The following LRRIQ3 variants were observed in gnomAD, a reference collection of about 807,000 sequenced individuals.
LRRIQ3 encodes leucine-rich repeat and IQ domain-containing protein 3.
A neutral mutation model predicts 59.3 loss-of-function variants in LRRIQ3; 75 were observed. The ratio of observed to expected loss-of-function variants is 1.26; its 90% CI spans 1.05 to 1.53. The LOEUF (loss-of-function observed/expected upper bound fraction) is 1.53. Ranked by LOEUF, LRRIQ3 falls within the 40% of genes most tolerant of loss-of-function variation. The probability of loss-of-function intolerance (pLI) is 0.00; values close to 1 mark genes in which losing one functional copy is unlikely to be tolerated. For synonymous variants in LRRIQ3, 250 were observed against 231.3 expected (o/e 1.08, Z -0.73); for missense variants, 831 against 710.0 (o/e 1.17, Z -1.94).
chr1:74,120,869 T>C (rs1646845163), intron 4 of LRRIQ3, among the ~76,000 whole-genome samples: 1 of 152,086 alleles, frequency 6.6e-6, no homozygotes, highest in Non-Finnish European at 1.5e-5. Flanking sequence ...CCACTTATTA[T>C]CCCTCGATTC....
chr1:74,080,947 C>A (rs1279239123), intron 5 of LRRIQ3, among the ~76,000 whole-genome samples: 1 of 151,360 alleles, frequency 6.6e-6, no homozygotes, highest in Non-Finnish European at 1.5e-5. Context: ...ACAAGAAAAA[C>A]CATGGAGAAA....
chr1:74,068,844 C>G (rs1434411623), intron 6 of LRRIQ3, among the ~76,000 whole-genome samples: 1 of 150,586 alleles, frequency 6.6e-6, no homozygotes, highest in Non-Finnish European at 1.5e-5. Context: ...AAAAAAAGCA[C>G]TGTTAAAATT....
intron 7 of LRRIQ3, among the ~76,000 whole-genome samples, chr1:74,027,428 A>G (rs1653549867): frequency 6.6e-6 from 1 of 152,088 alleles, no homozygotes; most frequent in East Asian, 1.9e-4. Flanking sequence ...TCCTAATCCA[A>G]TATAATTTGT....
chr1:74,174,914 A>ATTAGTTTCCT (rs763803907), intron 3 of LRRIQ3, among the ~76,000 whole-genome samples: 4 of 152,146 alleles, frequency 2.6e-5, no homozygotes, highest in African/African-American at 9.7e-5. Flanking sequence ...AGAGAGCTTT[A>ATTAGTTTCCT]TTAGTTTCCT....
rs550738638 is a variant in LRRIQ3, at chr1:74,047,021, C to T, written c.998-5088G>A. The stretch of plus-strand genomic sequence containing the variant: ...TTGGTGGAAGTGTAAATTAGTTCAA[C>T]CATTGTGGGAGACAGTGTGGCGATT... On this transcript the variant is annotated intron_variant, in intron 6 of 7. Transcript: ENST00000354431. 9.5e-4 allele frequency among the ~76,000 whole-genome samples: 145 copies of T among 152,250 alleles called. 1 individual carries two copies. The highest frequency in any genetic ancestry group is 1.6e-3 in the Non-Finnish European group (112 of 68,020).
chr1:74,136,586 CTT>C (rs1647128154), intron 4 of LRRIQ3, among the ~76,000 whole-genome samples: 1 of 151,858 alleles, frequency 6.6e-6, no homozygotes, highest in African/African-American at 2.4e-5. Context: ...TCATCAGGGA[CTT>C]TGATTTTGTT....
chr1:74,138,468 C>T, intron 4 of LRRIQ3: 1 of 984,534 alleles, frequency 1.0e-6, no homozygotes, highest in Non-Finnish European at 1.2e-6. Context: ...TGGGCAGGGT[C>T]TGACCCAGAG....
At chr1:74,080,961 G>A (rs937246293) in intron 5 of LRRIQ3, among the ~76,000 whole-genome samples, 1 of 151,504 alleles carries the variant, frequency 6.6e-6, no homozygotes, top group Non-Finnish European at 1.5e-5. Flanking sequence ...GGAGAAAGGA[G>A]CATGGTTCAA....
intron 7 of LRRIQ3, among the ~76,000 whole-genome samples, chr1:74,033,286 C>A (rs1265701741): frequency 1.3e-5 from 2 of 151,798 alleles, no homozygotes; most frequent in Admixed American, 1.3e-4. Flanking sequence ...TTAGCATAAT[C>A]AAGGCAATGA....
intron 6 of LRRIQ3, among the ~76,000 whole-genome samples, chr1:74,072,171 T>C (rs1372698764): frequency 6.6e-6 from 1 of 152,150 alleles, no homozygotes; most frequent in East Asian, 1.9e-4. Context: ...ATAGGTGATA[T>C]GAATAGCACT....
intron 5 of LRRIQ3, chr1:74,109,082 T>C (rs1398874998): frequency 1.6e-5 from 3 of 191,330 alleles, no homozygotes; most frequent in African/African-American, 7.1e-5. Context: ...ATAAACTAAA[T>C]ATTTATGTTT....
Position 74,052,735 on chromosome 1 carries a change from CCT to C in LRRIQ3, c.998-10804_998-10803del, listed in dbSNP as rs1429799049. Among the ~76,000 whole-genome samples, 3 of 151,696 alleles carry C rather than the reference CCT, an allele frequency of 2.0e-5. No individual in the cohort carries two copies. The East Asian group carries it at 5.8e-4, about 29-fold the overall frequency. Reference sequence around the variant, plus strand: ...TCTTATTATATAACAATTACAAATCCCTCTCTGAGCTCTTCTCTCTGTGGAAT... The same window carrying C: ...TCTTATTATATAACAATTACAAATCCCTCTGAGCTCTTCTCTCTGTGGAAT... On this transcript the variant is annotated intron_variant, in intron 6 of 7. Coordinates refer to ENST00000354431, the MANE Select transcript of LRRIQ3 (RefSeq NM_001105659.2).
At chr1:74,079,008 T>C (rs942115872) in intron 5 of LRRIQ3, among the ~76,000 whole-genome samples, 1 of 151,870 alleles carries the variant, frequency 6.6e-6, no homozygotes, top group Non-Finnish European at 1.5e-5. Flanking sequence ...TTAAATATGC[T>C]TCCTTCTCTA....
rs184707559 is a variant in LRRIQ3 at position 74,045,455 on chromosome 1, G to T, written c.998-3522C>A. On this transcript the variant is annotated intron_variant, in intron 6 of 7. Transcript: ENST00000354431. ...TCAATATACTAGGCATTGATGGAACGTATCTCAAAATAATAAGAGCTATTT... is the reference window on the plus strand; with the variant it reads ...TCAATATACTAGGCATTGATGGAACTTATCTCAAAATAATAAGAGCTATTT... Among the ~76,000 whole-genome samples, 18 of 152,064 alleles carry T rather than the reference G, an allele frequency of 1.2e-4. No individual in the cohort carries two copies. The South Asian group carries it at 3.7e-3, about 32-fold the overall frequency.
intron 4 of LRRIQ3, among the ~76,000 whole-genome samples, chr1:74,140,938 A>G (rs2100636541): frequency 6.6e-6 from 1 of 151,962 alleles, no homozygotes; most frequent in South Asian, 2.1e-4. Flanking sequence ...ATTTTTGAAA[A>G]AATTCATGTA....
intron 1 of LRRIQ3, among the ~76,000 whole-genome samples, chr1:74,185,970 T>C (rs1650343809): frequency 6.6e-6 from 1 of 151,764 alleles, no homozygotes; most frequent in African/African-American, 2.4e-5. Context: ...AGAGATCTCA[T>C]TTCTTCACAT....
At chr1:74,192,440 C>T (rs528138002) in intron 1 of LRRIQ3, among the ~76,000 whole-genome samples, 13 of 151,982 alleles carry the variant, frequency 8.6e-5, no homozygotes, top group Admixed American at 5.9e-4. Context: ...AAATCTTATC[C>T]GAAATATGTG....
rs766549387 is a variant in LRRIQ3 at position 74,026,587 on chromosome 1, A to C, written c.*226T>G. On this transcript the variant is annotated 3_prime_UTR_variant, in exon 8 of 8. Coordinates refer to ENST00000354431, the MANE Select transcript of LRRIQ3 (RefSeq NM_001105659.2). ...CATTAAATCAGTTTAATTGTTCCTT[A>C]GGCATCTGATCTAAGAAATTTTTCA... is the stretch of plus-strand genomic sequence containing the variant. The C allele has an allele frequency of 7.8e-6, 3 of 383,526 alleles. No homozygotes were observed. Among genetic ancestry groups the C allele is most frequent in the Non-Finnish European group, 1.4e-5 (3 of 215,870 alleles). The allele number at this position is 383,526 out of a possible 1,614,324, so 23.8% of individuals were successfully genotyped here.
intron 3 of LRRIQ3, among the ~76,000 whole-genome samples, chr1:74,165,995 T>A (rs1648961354): frequency 6.6e-6 from 1 of 151,728 alleles, no homozygotes. Context: ...ATGCTTATGC[T>A]CTTAAGGAAT....
Sources: allele counts gnomAD v4.1 joint callset (sites outside exome capture counted in the v4.1 genomes callset), GRCh38; gene constraint gnomAD v4.1.1; transcripts MANE v1.5; gene names NCBI Gene and HGNC (gene_info 2026-07-23, HGNC 2026-07-21).